GIGYF2: variants seen among roughly 807,000 people sequenced by gnomAD.
GIGYF2 encodes the protein GRB10 interacting GYF protein 2.
GIGYF2 carries 25 observed loss-of-function variants against 208.1 expected under a neutral mutation model. That is an observed-to-expected ratio of 0.12 (90% CI 0.09 to 0.17). The LOEUF (loss-of-function observed/expected upper bound fraction) is 0.17, where lower values mean the gene tolerates loss of function less well. GIGYF2 is among the 10% of genes least tolerant of loss of function. The probability of loss-of-function intolerance (pLI) is 1.00; values close to 1 mark genes in which losing one functional copy is unlikely to be tolerated. For missense variants in GIGYF2, 1,302 were observed against 1,579.4 expected (o/e 0.82, Z 2.98); for synonymous variants, 534 against 543.8 (o/e 0.98, Z 0.25).
At position 232,812,440 on chromosome 2, in the gene GIGYF2, C is replaced by A; in HGVS notation, c.2056C>A (p.Pro686Thr). ...IPSVTRSVSVPDTGSIWELQP... is the reference protein window; with the variant it reads ...IPSVTRSVSVTDTGSIWELQP... ...CTCAGTAACTAGGTCTGTGTCCGTG[C>A]CAGATACTGGCTCTATCTGGGAGCT... Residue 686 changes from proline to threonine, a missense_variant, in exon 18 of 29, where the codon CCA becomes ACA. Pro to Thr is a conservative substitution (Grantham distance 38, BLOSUM62 -1). Around this residue, in one of 8 missense-constraint regions of GIGYF2, gnomAD observed 701 missense variants for 793.0 expected, o/e 0.88. Coordinates refer to ENST00000373563, the MANE Select transcript of GIGYF2 (RefSeq NM_001103146.3). 1.3e-6 allele frequency: 2 copies of A among 1,559,668 alleles called. No homozygotes were observed. The highest frequency in any genetic ancestry group is 1.7e-4 in the Middle Eastern group (1 of 5,974).
intron 21 of GIGYF2, among the ~76,000 whole-genome samples, chr2:232,822,971 A>G (rs1374465304): frequency 6.6e-6 from 1 of 152,156 alleles, no homozygotes; most frequent in Non-Finnish European, 1.5e-5. Context: ...ACCATTAAAT[A>G]TATTGATAGT....
intron 21 of GIGYF2, among the ~76,000 whole-genome samples, chr2:232,826,848 CTTATT>C (rs1255571473): frequency 2.6e-5 from 4 of 152,202 alleles, no homozygotes; most frequent in Non-Finnish European, 5.9e-5. Flanking sequence ...TCACTGATGT[CTTATT>C]TTAAGAAATT....
intron 8 of GIGYF2, chr2:232,765,677 A>C (rs1698926404): frequency 5.3e-6 from 1 of 189,538 alleles, no homozygotes; most frequent in Non-Finnish European, 1.1e-5. Context: ...GATTATTAAA[A>C]AATAATCCAT....
chr2:232,770,800 G>T, intron 8 of GIGYF2: 1 of 782,980 alleles, frequency 1.3e-6, no homozygotes, highest in Non-Finnish European at 2.1e-6. Flanking sequence ...AAATTATTCT[G>T]TAACAGCATT....
chr2:232,822,671 C>CT (rs1559457940), intron 21 of GIGYF2, among the ~76,000 whole-genome samples: 1 of 152,088 alleles, frequency 6.6e-6, no homozygotes, highest in African/African-American at 2.4e-5. Flanking sequence ...GGGCAAGACT[C>CT]TGTCTCGGAG....
chr2:232,856,137 G>A (rs910983584), intron 28 of GIGYF2, among the ~76,000 whole-genome samples: 1 of 151,958 alleles, frequency 6.6e-6, no homozygotes, highest in African/African-American at 2.4e-5. Flanking sequence ...GTTTCACTAT[G>A]TTAGCCAGGA....
At chr2:232,718,131 A>G in intron 2 of GIGYF2, among the ~76,000 whole-genome samples, 2 of 152,190 alleles carry the variant, frequency 1.3e-5, no homozygotes, top group East Asian at 3.9e-4. Context: ...TCTGTTGCCA[A>G]GCTGCAGTGC....
intron 28 of GIGYF2, among the ~76,000 whole-genome samples, chr2:232,856,455 C>G (rs937602278): frequency 6.6e-6 from 1 of 151,862 alleles, no homozygotes; most frequent in Non-Finnish European, 1.5e-5. Flanking sequence ...TTTGGGAGGC[C>G]GAGGCGGGCG....
intron 5 of GIGYF2, among the ~76,000 whole-genome samples, chr2:232,749,368 A>G (rs1220881151): frequency 6.6e-6 from 1 of 152,160 alleles, no homozygotes; most frequent in African/African-American, 2.4e-5. Flanking sequence ...AGGGGAGAAA[A>G]TCATCTTTGC....
intron 15 of GIGYF2, among the ~76,000 whole-genome samples, chr2:232,807,849 G>A (rs1458453777): frequency 6.6e-6 from 1 of 152,190 alleles, no homozygotes; most frequent in Non-Finnish European, 1.5e-5. Context: ...TGGATTTTAG[G>A]CATGAGCCAC....
Position 232,791,022 on chromosome 2 carries a change from G to A in GIGYF2, c.945G>A (p.Glu315=), listed in dbSNP as rs768802859. The change falls in exon 11 of 29, where the codon GAG becomes GAA. Residue 315 remains glutamate (E), a synonymous_variant. Transcript: ENST00000373563. ...TCTTTCTACAGAAAGTACAGAAAGA[G>A]CCTATTCCAGAAGAGCAGGAGATGG... ...AFLSLKKVQK[E]PIPEEQEMDF... is the part of the protein sequence containing the mutation. 2 of 1,614,066 alleles carry A rather than the reference G, an allele frequency of 1.2e-6. No individual in the cohort carries two copies. The highest frequency in any genetic ancestry group is 1.7e-6 in the Non-Finnish European group (2 of 1,179,968).
intron 27 of GIGYF2, among the ~76,000 whole-genome samples, chr2:232,849,591 G>A (rs573117404): frequency 2.0e-5 from 3 of 152,280 alleles, no homozygotes; most frequent in South Asian, 2.1e-4. Flanking sequence ...ACCCATGGGC[G>A]CACGCATACA....
intron 27 of GIGYF2, among the ~76,000 whole-genome samples, chr2:232,848,191 T>C (rs1702081918): frequency 6.6e-6 from 1 of 152,236 alleles, no homozygotes; most frequent in Admixed American, 6.5e-5. Context: ...ATTTAATATA[T>C]GTTGATTCAT....
Position 232,744,401 on chromosome 2 carries a change from G to A in GIGYF2, c.42-3214G>A, listed in dbSNP as rs191289734. ...GTACTCCAGTGGTAGAAACTGTTGG[G>A]AAACATGTTGGTTTGGTGTTAAGGA... On this transcript the variant is annotated intron_variant, in intron 3 of 28. Coordinates refer to ENST00000373563, the MANE Select transcript of GIGYF2 (RefSeq NM_001103146.3). Among the ~76,000 whole-genome samples the A allele has an allele frequency of 9.9e-4, 151 of 152,234 alleles. 1 individual carries two copies. Among genetic ancestry groups the A allele is most frequent in the Middle Eastern group, 3.4e-3 (1 of 292 alleles).
intron 8 of GIGYF2, among the ~76,000 whole-genome samples, chr2:232,769,580 C>T (rs1699144447): frequency 6.8e-6 from 1 of 147,360 alleles, no homozygotes; most frequent in African/African-American, 2.5e-5. Flanking sequence ...AACTTTGAAA[C>T]TCAGAAACCT....
chr2:232,806,014 C>T lies in GIGYF2; in HGVS notation c.1640-477C>T, dbSNP rs1039681713. Reference sequence around the variant, plus strand: ...TATTATAAAACATTTAGAGAATACTCGTTTTTTCCCCACTACCAAGATCAG... The same window carrying T: ...TATTATAAAACATTTAGAGAATACTTGTTTTTTCCCCACTACCAAGATCAG... On this transcript the variant is annotated intron_variant, in intron 14 of 28. Transcript: ENST00000373563. This position sits in a 1 kb window ranked among gnomAD's most constrained non-coding sequence, Gnocchi z 4.0. Among the ~76,000 whole-genome samples, 1 of 84,958 alleles carries T rather than the reference C, an allele frequency of 1.2e-5. No individual in the cohort carries two copies. The highest frequency in any genetic ancestry group is 2.6e-5 in the Non-Finnish European group (1 of 38,138). 55.7% of individuals were successfully genotyped at this position (84,958 alleles called of 152,430 possible).
chr2:232,802,506 C>G (rs1460710669), intron 14 of GIGYF2, among the ~76,000 whole-genome samples: 1 of 151,860 alleles, frequency 6.6e-6, no homozygotes, highest in Admixed American at 6.6e-5. Context: ...GTTTTTTTCC[C>G]CCCTTATTAA....
rs563026319 is a variant in GIGYF2, at chr2:232,858,179, G to T, written c.*1319G>T. Reference sequence around the variant, plus strand: ...CTGGAATTGCCACTCACACTGGGTTGGAGTCATTGGGCAGCTGTGCCTGTG... The same window carrying T: ...CTGGAATTGCCACTCACACTGGGTTTGAGTCATTGGGCAGCTGTGCCTGTG... On this transcript the variant is annotated 3_prime_UTR_variant, in exon 29 of 29. Transcript: ENST00000373563. 2.0e-4 allele frequency: 54 copies of T among 269,116 alleles called. 1 individual carries two copies. Among genetic ancestry groups the T allele is most frequent in the Middle Eastern group, 2.6e-3 (2 of 766 alleles). The allele number at this position is 269,116 out of a possible 1,614,324, so 16.7% of individuals were successfully genotyped here. A position where few individuals can be genotyped will look rare whatever the true frequency, so the allele number is the denominator to read the frequency against.
intron 6 of GIGYF2, among the ~76,000 whole-genome samples, chr2:232,757,764 A>C (rs2106323081): frequency 1.4e-5 from 2 of 145,154 alleles, no homozygotes; most frequent in South Asian, 2.5e-4. Context: ...CAATCTCTGA[A>C]CAGCACCCCC....
Sources: gnomAD v4.1 joint callset for allele counts (sites outside exome capture counted in the v4.1 genomes callset) on GRCh38, gnomAD v4.1.1 for gene constraint, gnomAD v4.1.1 regional missense constraint, Gnocchi (gnomAD v3.1) non-coding constraint, MANE v1.5 for transcripts, NCBI Gene and HGNC (gene_info 2026-07-23, HGNC 2026-07-21) for gene names.